MCTP2: variants seen among roughly 807,000 people sequenced by gnomAD.
MCTP2 encodes the protein multiple C2 and transmembrane domain containing 2.
A neutral mutation model predicts 111.6 loss-of-function variants in MCTP2; 132 were observed. The observed-to-expected ratio is 1.18, with a 90% CI of 1.03 to 1.37. The LOEUF is 1.37. MCTP2 is among the 40% of genes most tolerant of loss of function. The pLI, the probability that MCTP2 is intolerant of heterozygous loss-of-function variation, is 0.00. For synonymous variants in MCTP2, 395 were observed against 387.7 expected (o/e 1.02, Z -0.22); for missense variants, 1,183 against 1,067.9 (o/e 1.11, Z -1.50).
At chr15:94,409,766 G>A (rs1596619668) in intron 17 of MCTP2, among the ~76,000 whole-genome samples, 1 of 151,792 alleles carries the variant, frequency 6.6e-6, no homozygotes, top group South Asian at 2.1e-4. Context: ...ATGGTTTCGA[G>A]TATCTAGTAC....
chr15:94,367,429 T>C lies in MCTP2; in HGVS notation c.1302-176T>C, dbSNP rs149162380. On this transcript the variant is annotated intron_variant, in intron 10 of 22. Transcript: ENST00000357742. ...CCTCTTCCTCTCCTTAATTTTAGAG[T>C]GTGTTAGGCTGGGGGTGAGCATTAT... Among the ~76,000 whole-genome samples the C allele has an allele frequency of 6.2e-3, 943 of 152,276 alleles. 16 individuals are homozygous for C. The highest frequency in any genetic ancestry group is 0.022 in the African/African-American group (907 of 41,534).
intron 17 of MCTP2, among the ~76,000 whole-genome samples, chr15:94,409,575 C>G (rs1423539896): frequency 6.6e-6 from 1 of 151,998 alleles, no homozygotes; most frequent in Non-Finnish European, 1.5e-5. Context: ...CCAGAGATAC[C>G]CTACTGAGCT....
chr15:94,312,068 G>A (rs2152357669), intron 2 of MCTP2, among the ~76,000 whole-genome samples: 1 of 152,322 alleles, frequency 6.6e-6, no homozygotes, highest in South Asian at 2.1e-4. Flanking sequence ...TTCAAAATGG[G>A]ATTGGTTAGG....
At chr15:94,417,437 A>G (rs2082424611) in intron 17 of MCTP2, among the ~76,000 whole-genome samples, 2 of 152,068 alleles carry the variant, frequency 1.3e-5, no homozygotes, top group Non-Finnish European at 2.9e-5. Context: ...TCAAAAATTG[A>G]ATTTGTAGTT....
At chr15:94,415,193 A>G (rs1306867031) in intron 17 of MCTP2, among the ~76,000 whole-genome samples, 1 of 152,106 alleles carries the variant, frequency 6.6e-6, no homozygotes, top group East Asian at 1.9e-4. Context: ...CTCCCTCTCT[A>G]ATTGCTCAGA....
chr15:94,245,034 A>G (rs975510173), intron 1 of MCTP2, among the ~76,000 whole-genome samples: 3 of 142,820 alleles, frequency 2.1e-5, no homozygotes, highest in Admixed American at 2.0e-4. Flanking sequence ...ACCTATGTTT[A>G]TATACGTATA....
chr15:94,374,071 C>G (rs1248992820), intron 12 of MCTP2, among the ~76,000 whole-genome samples: 2 of 152,152 alleles, frequency 1.3e-5, no homozygotes, highest in African/African-American at 2.4e-5. Flanking sequence ...TTATTCTGGA[C>G]AATGCTGAGA....
At chr15:94,382,457 A>G (rs11074270) in intron 12 of MCTP2, among the ~76,000 whole-genome samples, 1 of 152,208 alleles carries the variant, frequency 6.6e-6, no homozygotes, top group Non-Finnish European at 1.5e-5. Context: ...GCATTGACTT[A>G]AAAGCTTTGG....
At chr15:94,324,740 A>C (rs1249078734) in intron 4 of MCTP2, among the ~76,000 whole-genome samples, 2 of 152,190 alleles carry the variant, frequency 1.3e-5, no homozygotes, top group Non-Finnish European at 2.9e-5. Flanking sequence ...TACTGTGAGA[A>C]TTATGCTATG....
At chr15:94,257,865 G>T (rs998034237) in intron 1 of MCTP2, among the ~76,000 whole-genome samples, 1 of 150,956 alleles carries the variant, frequency 6.6e-6, no homozygotes, top group Non-Finnish European at 1.5e-5. Flanking sequence ...GATTACAGGC[G>T]TGAGCCACCG....
intron 17 of MCTP2, among the ~76,000 whole-genome samples, chr15:94,439,134 CAT>C (rs1183719198): frequency 4.0e-5 from 6 of 151,824 alleles, no homozygotes. Flanking sequence ...GTTTGAAAAA[CAT>C]AATGGAAGAA....
At chr15:94,403,397 C>G (rs549167018) in intron 17 of MCTP2, 325 of 267,436 alleles carry the variant, frequency 1.2e-3, no homozygotes, top group Non-Finnish European at 1.7e-3. Context: ...TCAAAACTTT[C>G]CATGGAATGT....
chr15:94,347,329 A>G (rs982302769), intron 8 of MCTP2, among the ~76,000 whole-genome samples: 67 of 152,292 alleles, frequency 4.4e-4, no homozygotes, highest in African/African-American at 1.4e-3. Context: ...TAATAATTTA[A>G]CATAAAGAAG....
intron 14 of MCTP2, among the ~76,000 whole-genome samples, chr15:94,393,943 A>C (rs1596567020): frequency 6.7e-6 from 1 of 149,210 alleles, no homozygotes; most frequent in Admixed American, 6.8e-5. Flanking sequence ...CCAGCTACTC[A>C]GGAGGCTGAG....
rs1037257955 is a variant in MCTP2 at position 94,465,343 on chromosome 15, A to G, written c.2361-4990A>G. Among the ~76,000 whole-genome samples, 7 of 152,120 alleles carry G rather than the reference A, an allele frequency of 4.6e-5. No individual in the cohort carries two copies. The South Asian group carries it at 1.4e-3, about 31-fold the overall frequency. ...GATAGTACTGACCTCTGTATATGCT[A>G]TGCTTTTTCCTATACAGGCATGACC... On this transcript the variant is annotated intron_variant, in intron 20 of 22. Coordinates refer to ENST00000357742, the MANE Select transcript of MCTP2 (RefSeq NM_001385001.1).
chr15:94,469,587 A>C lies in MCTP2; in HGVS notation c.2361-746A>C, dbSNP rs529632571. ...AATGCCATGTAATACAGTCCTCCCCATGGGGCACAGTGGCTCACACCTATA... is the reference window on the plus strand; with the variant it reads ...AATGCCATGTAATACAGTCCTCCCCCTGGGGCACAGTGGCTCACACCTATA... On this transcript the variant is annotated intron_variant, in intron 20 of 22. Transcript: ENST00000357742. Among the ~76,000 whole-genome samples, 8 of 152,230 alleles carry C rather than the reference A, an allele frequency of 5.3e-5. No individual in the cohort carries two copies. The South Asian group carries it at 1.2e-3, about 24-fold the overall frequency.
Position 94,463,680 on chromosome 15 carries a change from G to A in MCTP2, c.2360+5434G>A, listed in dbSNP as rs115589195. On this transcript the variant is annotated intron_variant, in intron 20 of 22. Coordinates refer to ENST00000357742, the MANE Select transcript of MCTP2 (RefSeq NM_001385001.1). ...GGATCTCAGAAAGAAAGCTTTCAAC[G>A]TTTCACCCTCAAGAATGATGTTTGC... Among the ~76,000 whole-genome samples the A allele has an allele frequency of 4.1e-3, 628 of 152,148 alleles. 7 individuals are homozygous for A. Among genetic ancestry groups the A allele is most frequent in the African/African-American group, 0.015 (607 of 41,524 alleles).
intron 1 of MCTP2, among the ~76,000 whole-genome samples, chr15:94,272,353 G>A (rs2073950330): frequency 6.6e-6 from 1 of 152,152 alleles, no homozygotes; most frequent in Non-Finnish European, 1.5e-5. Flanking sequence ...CAATCAATGA[G>A]TAATTACTGA....
intron 1 of MCTP2, among the ~76,000 whole-genome samples, chr15:94,233,593 C>T (rs1387259574): frequency 1.3e-5 from 2 of 152,076 alleles, no homozygotes; most frequent in African/African-American, 4.8e-5. Context: ...TAAACCTGTG[C>T]TCACACACGA....
Sources: gnomAD v4.1 joint callset for allele counts (sites outside exome capture counted in the v4.1 genomes callset) on GRCh38, gnomAD v4.1.1 for gene constraint, MANE v1.5 for transcripts, NCBI Gene and HGNC (gene_info 2026-07-23, HGNC 2026-07-21) for gene names.